Variants in TUT4 observed in about 807,000 individuals in gnomAD.
TUT4 encodes terminal uridylyltransferase 4.
A neutral mutation model predicts 192.2 loss-of-function variants in TUT4; 36 were observed. The ratio of observed to expected loss-of-function variants is 0.19; its 90% CI spans 0.14 to 0.25. TUT4 has a LOEUF of 0.25. TUT4 is among the 10% of genes least tolerant of loss of function. The pLI, the probability that TUT4 is intolerant of heterozygous loss-of-function variation, is 1.00. For synonymous variants in TUT4, 618 were observed against 666.0 expected, an observed-to-expected ratio of 0.93 and a Z score of 1.11; for missense variants, 1,493 against 1,957.2, an observed-to-expected ratio of 0.76 and a Z score of 4.47.
Position 52,423,942 on chromosome 1 carries a change from G to A in TUT4, c.4931C>T (p.Ser1644Leu), listed in dbSNP as rs766686480. 8.3e-5 allele frequency: 134 copies of A among 1,612,914 alleles called. No homozygotes were observed. Among genetic ancestry groups the A allele is most frequent in the Non-Finnish European group, 1.1e-4 (125 of 1,179,608 alleles). Reference sequence around the variant, plus strand: ...AAAGAAAATGGACTCGCATTACTCCGACACGTTTCCTCTTGGTGGGTGGGG... The same window carrying A: ...AAAGAAAATGGACTCGCATTACTCCAACACGTTTCCTCTTGGTGGGTGGGG... ...RCPHPPRGNVSE is the reference protein window; with the variant it reads ...RCPHPPRGNVLE The change falls in exon 30 of 30, where the codon TCG (serine) becomes TTG (leucine). Residue 1644 changes from serine to leucine, a missense_variant. Transcript: ENST00000257177.
At chr1:52,535,940 A>T (rs1293835081) in intron 1 of TUT4, among the ~76,000 whole-genome samples, 2 of 152,252 alleles carry the variant, frequency 1.3e-5, no homozygotes, top group African/African-American at 4.8e-5. Context: ...AGGAGAAATT[A>T]TATTTCCAGA....
At chr1:52,453,395 GAAAT>G (rs1177617166) in intron 20 of TUT4, among the ~76,000 whole-genome samples, 1 of 149,974 alleles carries the variant, frequency 6.7e-6, no homozygotes, top group Non-Finnish European at 1.5e-5. Flanking sequence ...AAAAAAAAAA[GAAAT>G]AAAAAGCATT....
Position 52,525,788 on chromosome 1 carries a change from T to G in TUT4, c.493A>C (p.Ser165Arg). Residue 165 changes from serine (S) to arginine (R), a missense_variant, in exon 2 of 30, where the codon AGT (serine) becomes CGT (arginine). By Grantham distance (110) the Ser-to-Arg change is moderately radical. This residue lies in a region of TUT4 where 260 missense variants were observed against 247.8 expected (regional missense o/e 1.05). Coordinates refer to ENST00000257177, the MANE Select transcript of TUT4 (RefSeq NM_001009881.3). Reference protein sequence around the residue: ...SSPAEAEKGPSLLLKDMRQKT... With the variant: ...SSPAEAEKGPRLLLKDMRQKT... ...TGTCTCATGTCTTTCAACAGTAAAC[T>G]GGGTCCCTTTTCTGCTTCTGCTGGT... is the stretch of plus-strand genomic sequence containing the variant. 1.9e-6 allele frequency: 3 copies of G among 1,614,216 alleles called. No homozygotes were observed. The highest frequency in any genetic ancestry group is 2.5e-6 in the Non-Finnish European group (3 of 1,180,036).
chr1:52,549,078 T>C (rs559812042), intron 1 of TUT4, among the ~76,000 whole-genome samples: 7 of 152,216 alleles, frequency 4.6e-5, no homozygotes, highest in Non-Finnish European at 5.9e-5. Context: ...GTCTAGAATA[T>C]AGGGAGAGGA....
intron 2 of TUT4, among the ~76,000 whole-genome samples, 190 bp downstream of exon 2, chr1:52,525,373 T>G (rs1276385905): frequency 3.3e-5 from 5 of 152,170 alleles, no homozygotes; most frequent in African/African-American, 1.2e-4. Context: ...GGCTTTTTTT[T>G]TTTAGCTTCA....
chr1:52,526,430 T>C (rs1337260198), intron 1 of TUT4, 57 bp from the exon 2 acceptor site: 3 of 707,412 alleles, frequency 4.2e-6, no homozygotes, highest in Non-Finnish European at 5.9e-6. Context: ...AACAATTTTT[T>C]ATGGTTAGAC....
At position 52,425,464 on chromosome 1, in the gene TUT4, A is replaced by G. The variant is rs993019528; in HGVS notation, c.4755T>C (p.His1585=). The change falls in exon 29 of 30, where the codon CAT becomes CAC. Residue 1585 remains histidine, a synonymous_variant. Coordinates refer to ENST00000257177, the MANE Select transcript of TUT4 (RefSeq NM_001009881.3). The part of the protein sequence containing the change: ...RGLTPPIPWE[H]APRPHFPLVP... The stretch of plus-strand genomic sequence containing the variant: ...CAAGGGGGAAATGGGGACGCGGTGC[A>G]TGTTCCCAAGGAATTGGAGGAGTCA... 1.2e-6 allele frequency: 2 copies of G among 1,614,084 alleles called. No homozygotes were observed. The highest frequency in any genetic ancestry group is 4.5e-5 in the East Asian group (2 of 44,876).
At chr1:52,531,365 C>T (rs1180530991) in intron 1 of TUT4, among the ~76,000 whole-genome samples, 1 of 151,906 alleles carries the variant, frequency 6.6e-6, no homozygotes, top group African/African-American at 2.4e-5. Flanking sequence ...TGGGGGGCCA[C>T]ACTTAATGAA....
intron 26 of TUT4, 131 bp downstream of exon 26, chr1:52,436,624 C>CT: frequency 7.1e-7 from 1 of 1,412,910 alleles, no homozygotes; most frequent in Non-Finnish European, 9.6e-7. Context: ...AATTTTATCT[C>CT]TTTAAGAAAT....
rs985137576 is a variant in TUT4 at position 52,431,099 on chromosome 1, G to A, written c.4625C>T (p.Ala1542Val). 2.6e-5 allele frequency: 42 copies of A among 1,614,122 alleles called. No individual in the cohort carries two copies. The highest frequency in any genetic ancestry group is 3.6e-5 in the Non-Finnish European group (42 of 1,180,048). ...TCCATCGTGAGACGTGTTAGGGATT[G>A]CCACAGGTCTGGCAGCAGGCTGTGC... ...IFAQPAARPV[A>V]IPNTSHDGHW... The change falls in exon 28 of 30, where the codon GCA (alanine) becomes GTA (valine). Residue 1542 changes from alanine (A) to valine (V), a missense_variant. This residue lies in a region of TUT4 where 351 missense variants were observed against 397.8 expected (regional missense o/e 0.88). Transcript: ENST00000257177.
intron 1 of TUT4, among the ~76,000 whole-genome samples, chr1:52,549,055 T>C (rs540994477): frequency 2.0e-5 from 3 of 152,196 alleles, no homozygotes; most frequent in African/African-American, 4.8e-5. Flanking sequence ...ATCACAGAAT[T>C]CTCAAGATAA....
chr1:52,500,618 C>T (rs755094629), intron 4 of TUT4, among the ~76,000 whole-genome samples: 2 of 152,022 alleles, frequency 1.3e-5, no homozygotes, highest in African/African-American at 2.4e-5. Context: ...AAAAACTAGC[C>T]GGGCATGGTG....
intron 20 of TUT4, among the ~76,000 whole-genome samples, chr1:52,448,260 T>G (rs1418478371): frequency 2.0e-5 from 3 of 152,196 alleles, no homozygotes; most frequent in African/African-American, 7.2e-5. Flanking sequence ...CTAAAAGTCA[T>G]CTAGCACATA....
At chr1:52,505,418 C>CTTTTTTTTT (rs35140317) in intron 4 of TUT4, among the ~76,000 whole-genome samples, 1 of 109,536 alleles carries the variant, frequency 9.1e-6, no homozygotes, top group Non-Finnish European at 1.8e-5. Flanking sequence ...TTTGCTTAGA[C>CTTTTTTTTT]TTTTTTTTTT....
At chr1:52,444,227 C>T (rs914001255) in intron 24 of TUT4, among the ~76,000 whole-genome samples, 7 of 151,524 alleles carry the variant, frequency 4.6e-5, no homozygotes, top group Non-Finnish European at 7.4e-5. Flanking sequence ...AGCGAGACTC[C>T]GTCTCAAAAA....
chr1:52,536,810 T>C (rs1324097316), intron 1 of TUT4, among the ~76,000 whole-genome samples: 1 of 151,224 alleles, frequency 6.6e-6, no homozygotes, highest in Non-Finnish European at 1.5e-5. Flanking sequence ...GCCGAGACTG[T>C]GCCACTGCAC....
At chr1:52,479,995 A>AG (rs1369062886) in intron 11 of TUT4, among the ~76,000 whole-genome samples, 1 of 135,820 alleles carries the variant, frequency 7.4e-6, no homozygotes, top group East Asian at 2.1e-4. Flanking sequence ...ACTCCGTCTC[A>AG]GGAAAAAAAA....
In TUT4 at chr1:52,475,444, C is replaced by T. The variant is rs1218238743; in HGVS notation, c.2115G>A (p.Arg705=). 2.5e-6 allele frequency: 4 copies of T among 1,614,004 alleles called. No homozygotes were observed. Among genetic ancestry groups the T allele is most frequent in the Admixed American group, 1.7e-5 (1 of 60,010 alleles). ...YVVERFRAAY[R]YFACPQTKGG... ...CCTTCGTCTGAGGACAGGCAAAATA[C>T]CGATAAGCTGCCCTAAATCTCTCCA... Residue 705 remains arginine, a synonymous_variant, in exon 13 of 30, where the codon CGG becomes CGA. Coordinates refer to ENST00000257177, the MANE Select transcript of TUT4 (RefSeq NM_001009881.3).
chr1:52,423,932 G>T lies in TUT4; in HGVS notation c.*3C>A. 1 of 1,612,714 alleles carries T rather than the reference G, an allele frequency of 6.2e-7. No homozygotes were observed. On this transcript the variant is annotated 3_prime_UTR_variant, in exon 30 of 30. Transcript: ENST00000257177. ...AGACCAGCTGAAAGAAAATGGACTC[G>T]CATTACTCCGACACGTTTCCTCTTG...
Sources: gnomAD v4.1 joint callset for allele counts (sites outside exome capture counted in the v4.1 genomes callset) on GRCh38, gnomAD v4.1.1 for gene constraint, gnomAD v4.1.1 regional missense constraint, MANE v1.5 for transcripts, NCBI Gene and HGNC (gene_info 2026-07-23, HGNC 2026-07-21) for gene names.